ANKMY1: variants seen among roughly 807,000 people sequenced by gnomAD.
ANKMY1 encodes ankyrin repeat and MYND domain containing 1, also known as ankyrin repeat and MYND domain-containing protein 1.
A neutral mutation model predicts 102.0 loss-of-function variants in ANKMY1; 98 were observed. That is an observed-to-expected ratio of 0.96 (90% CI 0.82 to 1.14). The LOEUF (loss-of-function observed/expected upper bound fraction) is 1.14, where lower values mean the gene tolerates loss of function less well. Among genes scored for constraint, ANKMY1 ranks in the 50% most tolerant of loss-of-function variants. ANKMY1 has a pLI of 0.00. For synonymous variants in ANKMY1, 582 were observed against 559.9 expected, an observed-to-expected ratio of 1.04 and a Z score of -0.56; for missense variants, 1,330 against 1,347.6, an observed-to-expected ratio of 0.99 and a Z score of 0.20.
At chr2:240,480,538 G>A (rs1343690802) in intron 17 of ANKMY1, among the ~76,000 whole-genome samples, 1 of 152,208 alleles carries the variant, frequency 6.6e-6, no homozygotes, top group Non-Finnish European at 1.5e-5. Context: ...GGAGCCCCAA[G>A]GCCAACTGCC....
intron 4 of ANKMY1, chr2:240,532,128 C>T: frequency 2.1e-6 from 1 of 468,364 alleles, no homozygotes; most frequent in Non-Finnish European, 4.4e-6. Context: ...GGAAACATCA[C>T]ATTGAAACTG....
At chr2:240,511,713 G>A (rs2080222023) in intron 11 of ANKMY1, 148 bp downstream of exon 11, 1 of 1,045,282 alleles carries the variant, frequency 9.6e-7, no homozygotes, top group Non-Finnish European at 1.3e-6. Context: ...CTCCCGCCTT[G>A]CCTTGCTTCC....
chr2:240,544,817 G>A lies in ANKMY1; in HGVS notation c.480+8097C>T, dbSNP rs183366058. Among the ~76,000 whole-genome samples, 1,386 of 152,256 alleles carry A rather than the reference G, an allele frequency of 9.1e-3. 10 individuals are homozygous for A. The highest frequency in any genetic ancestry group is 0.032 in the African/African-American group (1,315 of 41,544). On this transcript the variant is annotated intron_variant, in intron 4 of 17. Coordinates refer to ENST00000401804, the MANE Select transcript of ANKMY1 (RefSeq NM_001282771.3). ...TTTTCTGACGGGCTTAAAAAACGGC[G>A]CACCAGGAGATTACATCCCGCACCT...
chr2:240,500,428 C>T (rs763027563), intron 14 of ANKMY1, 24 bp downstream of exon 14: 1 of 1,605,604 alleles, frequency 6.2e-7, no homozygotes, highest in East Asian at 2.2e-5. Flanking sequence ...CCCCCTCCTT[C>T]CTCATGGGAG....
intron 3 of ANKMY1, chr2:240,553,349 C>T (rs1353710172): frequency 7.7e-6 from 3 of 388,608 alleles, no homozygotes; most frequent in Non-Finnish European, 1.5e-5. Context: ...CACGGACATG[C>T]CTTCTCCCTG....
chr2:240,553,365 C>G (rs1006861148), intron 3 of ANKMY1: 1 of 353,378 alleles, frequency 2.8e-6, no homozygotes, highest in African/African-American at 2.1e-5. Context: ...CCCTGGTGAC[C>G]TTGATCTTAG....
intron 13 of ANKMY1, among the ~76,000 whole-genome samples, chr2:240,503,078 CCT>C (rs573548951): frequency 2.6e-4 from 40 of 152,308 alleles, no homozygotes; most frequent in African/African-American, 8.7e-4. Flanking sequence ...AGGGGCTCTG[CCT>C]CTGAGACCAC....
At chr2:240,477,583 G>A (rs906340584), downstream of ANKMY1, among the ~76,000 whole-genome samples, 21 of 151,912 alleles carry the variant, frequency 1.4e-4, no homozygotes, top group African/African-American at 5.1e-4. Flanking sequence ...TAGAGACAGG[G>A]TCTATGTTGC....
chr2:240,493,981 G>A (rs551962026), intron 15 of ANKMY1, among the ~76,000 whole-genome samples: 8 of 152,272 alleles, frequency 5.3e-5, no homozygotes, highest in South Asian at 4.1e-4. Context: ...TGATGTTGGC[G>A]GCTGTGATGA....
intron 9 of ANKMY1, among the ~76,000 whole-genome samples, chr2:240,515,874 T>C (rs572148775): frequency 6.5e-4 from 96 of 148,356 alleles, no homozygotes; most frequent in African/African-American, 1.3e-3. Context: ...CCCGCCACCA[T>C]GCCCGGCTAA....
Position 240,529,526 on chromosome 2 carries a change from A to G in ANKMY1, c.481-17T>C, listed in dbSNP as rs1181901765. On this transcript the variant is annotated splice_polypyrimidine_tract_variant and intron_variant, in intron 4 of 17. Transcript: ENST00000401804. The surrounding 1 kb of genome is among the most constrained non-coding windows in gnomAD (Gnocchi z 4.2). ...GTATAGCCCCTGCCAAGGAAGCGCA[A>G]TAGACCGAGGAGAGATAACGCGACC... 1 of 1,599,026 alleles carries G rather than the reference A, an allele frequency of 6.3e-7. No individual in the cohort carries two copies. Among genetic ancestry groups the G allele is most frequent in the Non-Finnish European group, 8.5e-7 (1 of 1,171,696 alleles).
At position 240,556,148 on chromosome 2, in the gene ANKMY1, C is replaced by T. The variant is rs900573674; in HGVS notation, c.146+1042G>A. ...CCATCATGGGCTCCATCTTCACCACCCCATCTAAACCCAGCCACCTCCCAA... is the reference window on the plus strand; with the variant it reads ...CCATCATGGGCTCCATCTTCACCACTCCATCTAAACCCAGCCACCTCCCAA... On this transcript the variant is annotated intron_variant, in intron 2 of 17. Transcript: ENST00000401804. 3.9e-5 allele frequency among the ~76,000 whole-genome samples: 6 copies of T among 152,138 alleles called. 1 individual carries two copies. The South Asian group carries it at 1.2e-3, about 32-fold the overall frequency.
chr2:240,480,191 CAAAAG>C (rs2075198367), intron 17 of ANKMY1, among the ~76,000 whole-genome samples: 1 of 152,162 alleles, frequency 6.6e-6, no homozygotes, highest in Non-Finnish European at 1.5e-5. Context: ...GACTTCGTCT[CAAAAG>C]AAAACAAAAA....
At chr2:240,481,796 C>A (rs2075424096) in intron 16 of ANKMY1, among the ~76,000 whole-genome samples, 1 of 152,180 alleles carries the variant, frequency 6.6e-6, no homozygotes, top group South Asian at 2.1e-4. Flanking sequence ...TGCCGCATAG[C>A]CAGCAGGCCA....
chr2:240,475,669 T>A (rs1013424223), downstream of ANKMY1, among the ~76,000 whole-genome samples: 3 of 151,838 alleles, frequency 2.0e-5, no homozygotes, highest in Non-Finnish European at 4.4e-5. Context: ...TCATTGTTAG[T>A]GCATAAAAAC....
At position 240,479,648 on chromosome 2, in the gene ANKMY1, T is replaced by C. The variant is rs2075109086; in HGVS notation, c.3054A>G (p.Gln1018=). Residue 1018 remains glutamine, a synonymous_variant, in exon 18 of 18, where the codon CAA becomes CAG. Transcript: ENST00000401804. Reference sequence around the variant, plus strand: ...CTCTCCTCCTGGAAACTTGCTCCAGTTGTGTCACTGGAGGAGGAAAAGGTG... The same window carrying C: ...CTCTCCTCCTGGAAACTTGCTCCAGCTGTGTCACTGGAGGAGGAAAAGGTG... ...DCGDLVAIVT[Q]LEQVSRRREE... 2.5e-6 allele frequency: 4 copies of C among 1,613,462 alleles called. No homozygotes were observed. In the Admixed American group the frequency reaches 6.7e-5, roughly 27 times the overall value.
intron 4 of ANKMY1, among the ~76,000 whole-genome samples, chr2:240,538,366 CA>C (rs1488191867): frequency 6.6e-6 from 1 of 152,184 alleles, no homozygotes. Flanking sequence ...GGGGGGCCCA[CA>C]CTCAGAGCCA....
chr2:240,521,927 G>T (rs185872591), intron 8 of ANKMY1: 2 of 152,254 alleles, frequency 1.3e-5, no homozygotes, highest in Admixed American at 6.5e-5. Context: ...AAGGTGATGC[G>T]GACCAAAAAG....
intron 15 of ANKMY1, among the ~76,000 whole-genome samples, chr2:240,495,561 TCCAGTGGACATGTAAC>T (rs1277739579): frequency 2.0e-5 from 3 of 152,192 alleles, no homozygotes; most frequent in Non-Finnish European, 4.4e-5. Flanking sequence ...GGGTCCCCTG[TCCAGTGGACATGTAAC>T]CCATGTGACC....
Sources: allele counts gnomAD v4.1 joint callset (sites outside exome capture counted in the v4.1 genomes callset), GRCh38; gene constraint gnomAD v4.1.1; non-coding constraint Gnocchi (gnomAD v3.1); transcripts MANE v1.5; gene names NCBI Gene and HGNC (gene_info 2026-07-23, HGNC 2026-07-21).